The following FKRP variants were observed in gnomAD, a reference collection of about 807,000 sequenced individuals.
FKRP encodes fukutin related protein.
A neutral mutation model predicts 30.6 loss-of-function variants in FKRP; 25 were observed. That is an observed-to-expected ratio of 0.82 (90% confidence interval 0.60 to 1.14). The LOEUF is 1.14. FKRP is among the 50% of genes most tolerant of loss of function. The probability of loss-of-function intolerance (pLI) is 0.00; values close to 1 mark genes in which losing one functional copy is unlikely to be tolerated. For missense variants in FKRP, 771 were observed against 727.8 expected, an observed-to-expected ratio of 1.06 and a Z score of -0.68; for synonymous variants, 358 against 342.5, an observed-to-expected ratio of 1.05 and a Z score of -0.50.
upstream of FKRP, among the ~76,000 whole-genome samples, chr19:46,744,875 C>T (rs1322834076): frequency 2.0e-5 from 3 of 152,062 alleles, no homozygotes; most frequent in Admixed American, 6.6e-5. Flanking sequence ...CGGACATCTC[C>T]ATGGTCCTCC....
Position 46,755,673 on chromosome 19 carries a change from C to G in FKRP, c.223C>G (p.Pro75Ala), listed in dbSNP as rs1440886587. The G allele has an allele frequency of 1.3e-6, 2 of 1,593,016 alleles. No individual in the cohort carries two copies. Among genetic ancestry groups the G allele is most frequent in the Non-Finnish European group, 1.7e-6 (2 of 1,176,184 alleles). ...ELVDSFLQQD[P>A]AQPVVVAADT... ...GGTAGACTCCTTCCTGCAGCAAGAC[C>G]CAGCCCAGCCCGTGGTGGTGGCAGC... Residue 75 changes from proline to alanine, a missense_variant, in exon 4 of 4, where the codon CCA (proline) becomes GCA (alanine). Coordinates refer to ENST00000318584, the MANE Select transcript of FKRP (RefSeq NM_024301.5).
chr19:46,755,849 G>A lies in FKRP; in HGVS notation c.399G>A (p.Ala133=). The A allele has an allele frequency of 6.7e-7, 1 of 1,490,296 alleles. No homozygotes were observed. The highest frequency in any genetic ancestry group is 1.3e-5 in the South Asian group (1 of 77,028). 92.3% of individuals were successfully genotyped at this position (1,490,296 alleles called of 1,614,324 possible). Residue 133 remains alanine (A), a synonymous_variant, in exon 4 of 4, where the codon GCG becomes GCA. Transcript: ENST00000318584. The stretch of plus-strand genomic sequence containing the variant: ...TTGTGGCCCTAGTACCTGATGGGGC[G>A]CGGGCTGAGGCACCTGGCCTGCTGG... ...TEFVALVPDG[A]RAEAPGLLER...
intron 3 of FKRP, among the ~76,000 whole-genome samples, chr19:46,749,717 C>T (rs942229762): frequency 6.8e-5 from 10 of 146,980 alleles, no homozygotes; most frequent in African/African-American, 2.5e-4. Flanking sequence ...AAGCGAGACT[C>T]CGTCTCAAAA....
Position 46,757,898 on chromosome 19 carries a change from C to T in FKRP, c.*960C>T, listed in dbSNP as rs2054960504. The stretch of plus-strand genomic sequence containing the variant: ...GACCAGCCTCGGCAACATGCCAAGA[C>T]CCCGTCTCTATTTTTAAAAAAGAAA... On this transcript the variant is annotated 3_prime_UTR_variant, in exon 4 of 4. Coordinates refer to ENST00000318584, the MANE Select transcript of FKRP (RefSeq NM_024301.5). The T allele has an allele frequency of 6.0e-6, 1 of 167,060 alleles. No homozygotes were observed. Among genetic ancestry groups the T allele is most frequent in the Non-Finnish European group, 1.5e-5 (1 of 68,158 alleles). 10.3% of individuals were successfully genotyped at this position (167,060 alleles called of 1,614,324 possible).
Position 46,756,936 on chromosome 19 carries a change from T to G in FKRP, c.1486T>G (p.Ter496GlyextTer21). Residue 496 changes from the stop codon to glycine (G), a stop_lost, in exon 4 of 4, where the codon TGA (stop) becomes GGA (glycine). Coordinates refer to ENST00000318584, the MANE Select transcript of FKRP (RefSeq NM_024301.5). This position sits in a 1 kb window ranked among gnomAD's most constrained non-coding sequence, Gnocchi z 6.6. ...PALLSLTGSG[*>G] ...ACTGCTGAGTCTGACGGGAAGCGGC[T>G]GAAGCCCTGATAACCTCGCCTTTGT... 6.2e-7 allele frequency: 1 copy of G among 1,612,858 alleles called. No homozygotes were observed. The highest frequency in any genetic ancestry group is 8.5e-7 in the Non-Finnish European group (1 of 1,179,920).
chr19:46,747,290 G>A (rs1249396117), intron 1 of FKRP: 1 of 152,424 alleles, frequency 6.6e-6, no homozygotes, highest in African/African-American at 2.4e-5. Context: ...ACCTTCCTCC[G>A]GAAGGTGAGA....
chr19:46,751,349 C>T (rs1286164015), intron 3 of FKRP, among the ~76,000 whole-genome samples: 1 of 151,846 alleles, frequency 6.6e-6, no homozygotes, highest in African/African-American at 2.4e-5. Context: ...CAGGTGTGAG[C>T]CACTGCACCT....
rs1318966349 is a variant in FKRP at position 46,755,974 on chromosome 19, T to C, written c.524T>C (p.Leu175Pro). Reference sequence around the variant, plus strand: ...AGGTGCCTGGCCCTGAACGTCAGCCTGCGAGAGTGGACCGCCCGCTATGGC... The same window carrying C: ...AGGTGCCTGGCCCTGAACGTCAGCCCGCGAGAGTGGACCGCCCGCTATGGC... ...PARCLALNVS[L>P]REWTARYGAA... is the part of the protein sequence containing the mutation. The change falls in exon 4 of 4, where the codon CTG becomes CCG. Residue 175 changes from leucine (L) to proline (P), a missense_variant. Physicochemically the swap from Leu to Pro is moderately conservative, Grantham distance 98 (BLOSUM62 -3). Coordinates refer to ENST00000318584, the MANE Select transcript of FKRP (RefSeq NM_024301.5). 7.8e-6 allele frequency: 12 copies of C among 1,540,700 alleles called. No individual in the cohort carries two copies. The highest frequency in any genetic ancestry group is 9.6e-6 in the Non-Finnish European group (11 of 1,150,090).
chr19:46,754,911 T>A (rs909971481), intron 3 of FKRP, among the ~76,000 whole-genome samples: 4 of 151,480 alleles, frequency 2.6e-5, no homozygotes, highest in South Asian at 2.1e-4. Flanking sequence ...CAGCCTAACC[T>A]TTTTTTTTCA....
Position 46,756,745 on chromosome 19 carries a change from G to T in FKRP, c.1295G>T (p.Trp432Leu). 6.2e-7 allele frequency: 1 copy of T among 1,608,702 alleles called. No individual in the cohort carries two copies. Reference protein sequence around the residue: ...PRNGVMTKDTWLDHRQDVEFP... With the variant: ...PRNGVMTKDTLLDHRQDVEFP... ...AATGGCGTCATGACCAAGGACACGT[G>T]GCTGGACCACCGGCAGGATGTGGAG... Residue 432 changes from tryptophan to leucine, a missense_variant, in exon 4 of 4, where the codon TGG becomes TTG. By Grantham distance (61) the Trp-to-Leu change is moderately conservative (BLOSUM62 -2). Transcript: ENST00000318584. This position sits in a 1 kb window ranked among gnomAD's most constrained non-coding sequence, Gnocchi z 6.6.
chr19:46,745,141 T>C (rs889094488), upstream of FKRP, among the ~76,000 whole-genome samples: 1 of 150,380 alleles, frequency 6.6e-6, no homozygotes, highest in African/African-American at 2.5e-5. Flanking sequence ...CTCGTCCTCA[T>C]TGGCACCATC....
At chr19:46,746,666 C>G in intron 1 of FKRP, 1 of 153,390 alleles carries the variant, frequency 6.5e-6, no homozygotes, top group Admixed American at 6.5e-5. Context: ...GAGGGAGACC[C>G]AGGCCCCGCG....
In FKRP at chr19:46,757,375, T is replaced by G; in HGVS notation, c.*437T>G. On this transcript the variant is annotated 3_prime_UTR_variant, in exon 4 of 4. Coordinates refer to ENST00000318584, the MANE Select transcript of FKRP (RefSeq NM_024301.5). ...ACTGGCGAGATTCAAATCCTGGCTCTATCGCTTCGGAGCCAGGTGGGCCTG... is the reference window on the plus strand; with the variant it reads ...ACTGGCGAGATTCAAATCCTGGCTCGATCGCTTCGGAGCCAGGTGGGCCTG... 4.9e-6 allele frequency: 1 copy of G among 204,292 alleles called. No individual in the cohort carries two copies. The highest frequency in any genetic ancestry group is 1.1e-5 in the Non-Finnish European group (1 of 88,820). The allele number at this position is 204,292 out of a possible 1,614,324, so 12.7% of individuals were successfully genotyped here. A position where few individuals can be genotyped will look rare whatever the true frequency, so the allele number is the denominator to read the frequency against.
intron 1 of FKRP, 79 bp downstream of exon 1, chr19:46,746,169 C>A: frequency 1.3e-6 from 2 of 1,532,494 alleles, no homozygotes; most frequent in Non-Finnish European, 1.7e-6. Flanking sequence ...GCGCGCTCGG[C>A]CTCCCAGCGG....
chr19:46,749,623 G>C, intron 3 of FKRP, among the ~76,000 whole-genome samples: 1 of 151,288 alleles, frequency 6.6e-6, no homozygotes, highest in East Asian at 2.0e-4. Context: ...TACTCAGGAG[G>C]CGGAGGCAGG....
upstream of FKRP, chr19:46,745,845 G>A (rs978826932): frequency 3.5e-6 from 1 of 283,102 alleles, no homozygotes; most frequent in Non-Finnish European, 6.6e-6. Context: ...CCCAGTCCCA[G>A]TCCCACTCCC....
chr19:46,755,969 C>T lies in FKRP; in HGVS notation c.519C>T (p.Val173=). The T allele has an allele frequency of 6.5e-7, 1 of 1,539,676 alleles. No individual in the cohort carries two copies. Among genetic ancestry groups the T allele is most frequent in the Non-Finnish European group, 8.7e-7 (1 of 1,149,352 alleles). Residue 173 remains valine, a synonymous_variant, in exon 4 of 4, where the codon GTC becomes GTT. Coordinates refer to ENST00000318584, the MANE Select transcript of FKRP (RefSeq NM_024301.5). ...CTGCCAGGTGCCTGGCCCTGAACGT[C>T]AGCCTGCGAGAGTGGACCGCCCGCT... The part of the protein sequence containing the change: ...ANPARCLALN[V]SLREWTARYG...
chr19:46,755,642 C>T lies in FKRP; in HGVS notation c.192C>T (p.Pro64=), dbSNP rs111754012. 4,294 of 1,599,130 alleles carry T rather than the reference C, an allele frequency of 2.7e-3. 91 individuals are homozygous for T. The African/African-American group carries it at 0.048, about 18-fold the overall frequency. ...TCGAGGCATTTGACAACGCGGTGCC[C>T]GAGCTGGTAGACTCCTTCCTGCAGC... ...REFEAFDNAV[P]ELVDSFLQQD... is the part of the protein sequence containing the mutation. Residue 64 remains proline (P), a synonymous_variant, in exon 4 of 4, where the codon CCC becomes CCT. Transcript: ENST00000318584.
Position 46,756,618 on chromosome 19 carries a change from C to T in FKRP, c.1168C>T (p.Arg390Cys). Residue 390 changes from arginine (R) to cysteine (C), a missense_variant, in exon 4 of 4, where the codon CGC becomes TGC. Coordinates refer to ENST00000318584, the MANE Select transcript of FKRP (RefSeq NM_024301.5). The surrounding 1 kb of genome is among the most constrained non-coding windows in gnomAD (Gnocchi z 6.6). Reference protein sequence around the residue: ...GAEAGSVVDERGFVWEKAVEG... With the variant: ...GAEAGSVVDECGFVWEKAVEG... ...AGAGGCCGGCTCGGTGGTGGATGAGCGCGGCTTCGTATGGGAGAAGGCGGT... is the reference window on the plus strand; with the variant it reads ...AGAGGCCGGCTCGGTGGTGGATGAGTGCGGCTTCGTATGGGAGAAGGCGGT... 5 of 1,612,174 alleles carry T rather than the reference C, an allele frequency of 3.1e-6. No individual in the cohort carries two copies. Among genetic ancestry groups the T allele is most frequent in the African/African-American group, 2.7e-5 (2 of 75,022 alleles).
Sources: gnomAD v4.1 joint callset for allele counts (sites outside exome capture counted in the v4.1 genomes callset) on GRCh38, gnomAD v4.1.1 for gene constraint, Gnocchi (gnomAD v3.1) non-coding constraint, MANE v1.5 for transcripts, NCBI Gene and HGNC (gene_info 2026-07-23, HGNC 2026-07-21) for gene names.